RHEB: variants seen among roughly 807,000 people sequenced by gnomAD.
RHEB encodes the protein Ras homolog, mTORC1 binding, also known as GTP-binding protein Rheb.
Under a neutral mutation model 28.8 loss-of-function variants are expected in RHEB, and 2 were observed. The ratio of observed to expected loss-of-function variants is 0.07; its 90% CI spans 0.03 to 0.22. The LOEUF (loss-of-function observed/expected upper bound fraction) is 0.22. RHEB is among the 10% of genes least tolerant of loss of function. The pLI, the probability that RHEB is intolerant of heterozygous loss-of-function variation, is 1.00. For synonymous variants in RHEB, 69 were observed against 77.3 expected, an observed-to-expected ratio of 0.89 and a Z score of 0.56; for missense variants, 76 against 219.9, an observed-to-expected ratio of 0.35 and a Z score of 4.14.
intron 1 of RHEB, among the ~76,000 whole-genome samples, chr7:151,517,089 C>T (rs1269519457): frequency 1.3e-5 from 2 of 152,132 alleles, no homozygotes; most frequent in Admixed American, 6.5e-5. Flanking sequence ...TGCGGCTGGG[C>T]ATGGTGGCTC....
intron 6 of RHEB, among the ~76,000 whole-genome samples, chr7:151,470,962 A>G (rs1482100707): frequency 6.6e-6 from 1 of 152,254 alleles, no homozygotes; most frequent in Non-Finnish European, 1.5e-5. Flanking sequence ...CTAGGTTGTA[A>G]GCACCCAAGG....
intron 7 of RHEB, among the ~76,000 whole-genome samples, chr7:151,469,884 G>A (rs891017585): frequency 2.0e-5 from 3 of 152,176 alleles, no homozygotes; most frequent in African/African-American, 4.8e-5. Context: ...CAGTTTCTGA[G>A]TAGAGGATGA....
At chr7:151,517,438 T>C (rs1803101976) in intron 1 of RHEB, among the ~76,000 whole-genome samples, 1 of 150,726 alleles carries the variant, frequency 6.6e-6, no homozygotes, top group Non-Finnish European at 1.5e-5. Context: ...TCGTTTAATA[T>C]GACTACGCTT....
At chr7:151,480,255 C>CTG (rs564833785) in intron 3 of RHEB, among the ~76,000 whole-genome samples, 1 of 152,140 alleles carries the variant, frequency 6.6e-6, no homozygotes, top group African/African-American at 2.4e-5. Flanking sequence ...CAGCAACAGT[C>CTG]TAACTGTTGA....
intron 1 of RHEB, chr7:151,501,808 C>T: frequency 2.7e-6 from 1 of 372,260 alleles, no homozygotes; most frequent in South Asian, 2.5e-5. Context: ...GTTGCCTGGT[C>T]AGAAAGAGCC....
At chr7:151,475,424 T>C (rs1422720252) in intron 4 of RHEB, among the ~76,000 whole-genome samples, 2 of 152,212 alleles carry the variant, frequency 1.3e-5, no homozygotes, top group Non-Finnish European at 2.9e-5. Flanking sequence ...CTTTGAATCA[T>C]GTTTTTCAAG....
chr7:151,509,201 G>A (rs1383461672), intron 1 of RHEB, among the ~76,000 whole-genome samples: 2 of 152,186 alleles, frequency 1.3e-5, no homozygotes, highest in East Asian at 3.9e-4. Context: ...CAACAATCCT[G>A]CGGTGTGAGG....
At chr7:151,482,855 C>T (rs1802402363) in intron 3 of RHEB, among the ~76,000 whole-genome samples, 1 of 152,194 alleles carries the variant, frequency 6.6e-6, no homozygotes, top group Non-Finnish European at 1.5e-5. Flanking sequence ...ACTCAAGCGG[C>T]TCTTCCCTTC....
At position 151,471,457 on chromosome 7, in the gene RHEB, A is replaced by G. The variant is rs1314377765; in HGVS notation, c.333-16T>C. 1.3e-6 allele frequency: 2 copies of G among 1,575,478 alleles called. No individual in the cohort carries two copies. The highest frequency in any genetic ancestry group is 1.7e-6 in the Non-Finnish European group (2 of 1,149,258). Reference sequence around the variant, plus strand: ...AATAGGTATTCTATTTGTAAGAAAAAAAAGACAAACCAGTAAGTGCCAGAT... The same window carrying G: ...AATAGGTATTCTATTTGTAAGAAAAGAAAGACAAACCAGTAAGTGCCAGAT... On this transcript the variant is annotated splice_polypyrimidine_tract_variant and intron_variant, in intron 5 of 7. Transcript: ENST00000262187.
In RHEB at chr7:151,467,129, G is replaced by A. The variant is rs1312383700; in HGVS notation, c.545C>T (p.Ser182Leu). ...GAASQGKSSC[S>L]VM Reference sequence around the variant, plus strand: ...GGCTTTGCAGCAGAATCACATCACCGAGCATGAAGACTTGCCTTGTGAAGC... The same window carrying A: ...GGCTTTGCAGCAGAATCACATCACCAAGCATGAAGACTTGCCTTGTGAAGC... Residue 182 changes from serine (S) to leucine (L), a missense_variant, in exon 8 of 8, where the codon TCG becomes TTG. Physicochemically the swap from Ser to Leu is moderately radical, Grantham distance 145 (BLOSUM62 -2). Transcript: ENST00000262187. 8.1e-6 allele frequency: 13 copies of A among 1,611,932 alleles called. No individual in the cohort carries two copies. The highest frequency in any genetic ancestry group is 2.2e-5 in the South Asian group (2 of 91,026).
chr7:151,486,349 C>A (rs1312328442), intron 2 of RHEB, among the ~76,000 whole-genome samples: 1 of 152,090 alleles, frequency 6.6e-6, no homozygotes, highest in Non-Finnish European at 1.5e-5. Flanking sequence ...TTCTTGAGTG[C>A]CTATTATCAC....
intron 4 of RHEB, among the ~76,000 whole-genome samples, chr7:151,473,430 G>A (rs1802201656): frequency 6.6e-6 from 1 of 152,212 alleles, no homozygotes; most frequent in Non-Finnish European, 1.5e-5. Context: ...GTGGCTCTGA[G>A]AGACTGAAGC....
intron 1 of RHEB, among the ~76,000 whole-genome samples, chr7:151,517,335 T>A (rs558751266): frequency 8.6e-4 from 118 of 137,726 alleles, no homozygotes; most frequent in Non-Finnish European, 1.5e-3. Context: ...GCCATTGCAC[T>A]CCAGCCTGGG....
chr7:151,506,281 C>T (rs1802878369), intron 1 of RHEB, among the ~76,000 whole-genome samples: 1 of 150,488 alleles, frequency 6.6e-6, no homozygotes, highest in Non-Finnish European at 1.5e-5. Context: ...AACTGCTGGT[C>T]TCAAATGATC....
intron 1 of RHEB, among the ~76,000 whole-genome samples, chr7:151,497,686 A>G (rs1260296203): frequency 6.6e-6 from 1 of 152,142 alleles, no homozygotes; most frequent in African/African-American, 2.4e-5. Context: ...CAGTGACTGG[A>G]GCTCCTGAGC....
chr7:151,507,370 TTGTG>T (rs1330098507), intron 1 of RHEB, among the ~76,000 whole-genome samples: 1 of 151,950 alleles, frequency 6.6e-6, no homozygotes, highest in African/African-American at 2.4e-5. Flanking sequence ...ATGTGTTGTA[TTGTG>T]TGTGTCTATG....
At chr7:151,480,255 C>CT (rs564833785) in intron 3 of RHEB, among the ~76,000 whole-genome samples, 5 of 152,140 alleles carry the variant, frequency 3.3e-5, no homozygotes, top group African/African-American at 4.8e-5. Flanking sequence ...CAGCAACAGT[C>CT]TAACTGTTGA....
chr7:151,490,128 C>T (rs1282566765), intron 2 of RHEB, among the ~76,000 whole-genome samples: 2 of 152,100 alleles, frequency 1.3e-5, no homozygotes, highest in African/African-American at 2.4e-5. Context: ...TTATCCTTGG[C>T]GATCCCTAGA....
rs1437692869 is a variant in RHEB at position 151,519,617 on chromosome 7, C to G, written c.-106G>C. On this transcript the variant is annotated 5_prime_UTR_variant, in exon 1 of 8. Transcript: ENST00000262187. ...CGCCGGGAGAGAGCGGCATACAGAG[C>G]AGGGGCGGCGGCGGGCGCGGCTGCC... 3.7e-6 allele frequency: 4 copies of G among 1,068,648 alleles called. No individual in the cohort carries two copies. The highest frequency in any genetic ancestry group is 1.2e-6 in the Non-Finnish European group (1 of 808,068). 66.2% of individuals were successfully genotyped at this position (1,068,648 alleles called of 1,614,324 possible).
Sources: gnomAD v4.1 joint callset for allele counts (sites outside exome capture counted in the v4.1 genomes callset) on GRCh38, gnomAD v4.1.1 for gene constraint, MANE v1.5 for transcripts, NCBI Gene and HGNC (gene_info 2026-07-23, HGNC 2026-07-21) for gene names.